Variants in ROR2 observed in about 807,000 individuals in gnomAD.
ROR2 encodes tyrosine-protein kinase transmembrane receptor ROR2.
Under a neutral mutation model 74.9 loss-of-function variants are expected in ROR2, and 33 were observed. The observed-to-expected ratio is 0.44, with a 90% CI of 0.33 to 0.59. ROR2 has a LOEUF of 0.59. ROR2 is among the 20% of genes least tolerant of loss of function. The pLI is 0.02. For missense variants in ROR2, 1,216 were observed against 1,313.8 expected (o/e 0.93, Z 1.15); for synonymous variants, 586 against 558.7 (o/e 1.05, Z -0.69).
intron 1 of ROR2, among the ~76,000 whole-genome samples, chr9:91,877,711 T>C (rs1422739158): frequency 1.3e-5 from 2 of 152,212 alleles, no homozygotes; most frequent in African/African-American, 4.8e-5. Context: ...CAGCTATTCC[T>C]GCTATGCCTA....
At chr9:91,853,106 C>T (rs999983558) in intron 1 of ROR2, among the ~76,000 whole-genome samples, 3 of 152,218 alleles carry the variant, frequency 2.0e-5, no homozygotes, top group Admixed American at 6.5e-5. Flanking sequence ...GGGAGACTGG[C>T]TGGGGACTGG....
chr9:91,931,762 A>G (rs1831555435), intron 1 of ROR2, among the ~76,000 whole-genome samples: 1 of 152,222 alleles, frequency 6.6e-6, no homozygotes, highest in Non-Finnish European at 1.5e-5. Context: ...ATGACAAGCT[A>G]TTTGGAAAAG....
At chr9:91,739,515 A>T (rs1006226626) in intron 4 of ROR2, among the ~76,000 whole-genome samples, 33 of 5,088 alleles carry the variant, frequency 6.5e-3, no homozygotes, top group Admixed American at 0.015. Context: ...TTTAAATTTA[A>T]AAAAAAAAAA....
chr9:91,911,248 T>G (rs1216323667), intron 1 of ROR2, among the ~76,000 whole-genome samples: 3 of 152,232 alleles, frequency 2.0e-5, no homozygotes, highest in Admixed American at 1.3e-4. Context: ...CAGGGATACA[T>G]TCTGAGAAAT....
chr9:91,766,090 T>G (rs993429941), intron 2 of ROR2, among the ~76,000 whole-genome samples: 1 of 152,202 alleles, frequency 6.6e-6, no homozygotes, highest in Admixed American at 6.5e-5. Flanking sequence ...ATTCTGACAT[T>G]AAAGCCCTGC....
chr9:91,835,047 T>A (rs1452428976), intron 1 of ROR2, among the ~76,000 whole-genome samples: 1 of 152,162 alleles, frequency 6.6e-6, no homozygotes, highest in Non-Finnish European at 1.5e-5. Context: ...GCCAGGCATG[T>A]CTTACAACAC....
At chr9:91,939,731 A>G (rs1831798632) in intron 1 of ROR2, among the ~76,000 whole-genome samples, 1 of 152,134 alleles carries the variant, frequency 6.6e-6, no homozygotes, top group African/African-American at 2.4e-5. Flanking sequence ...CAGTAAACAC[A>G]CGGAAGTGAA....
intron 2 of ROR2, among the ~76,000 whole-genome samples, chr9:91,767,271 C>T (rs1003541521): frequency 6.6e-6 from 1 of 152,074 alleles, no homozygotes; most frequent in Non-Finnish European, 1.5e-5. Context: ...GACGGGGTTT[C>T]ACTATGTTGG....
intron 1 of ROR2, among the ~76,000 whole-genome samples, chr9:91,925,462 C>CTGTGTGTGTGTGTGTG (rs1224637296): frequency 7.9e-6 from 1 of 126,086 alleles, no homozygotes; most frequent in Admixed American, 9.5e-5. Flanking sequence ...TGTCAGCTGC[C>CTGTGTGTGTGTGTGTG]TGTATGTGTG....
At chr9:91,840,840 C>T (rs1828760754) in intron 1 of ROR2, among the ~76,000 whole-genome samples, 1 of 152,240 alleles carries the variant, frequency 6.6e-6, no homozygotes, top group African/African-American at 2.4e-5. Flanking sequence ...GACCTGAGAT[C>T]CACACCCCAT....
intron 5 of ROR2, among the ~76,000 whole-genome samples, chr9:91,736,125 T>C: frequency 6.6e-6 from 1 of 152,276 alleles, no homozygotes; most frequent in South Asian, 2.1e-4. Flanking sequence ...AAAGAAAGCT[T>C]TTGCAGTGAG....
chr9:91,752,565 G>A (rs1825625364), intron 4 of ROR2, among the ~76,000 whole-genome samples: 1 of 152,220 alleles, frequency 6.6e-6, no homozygotes, highest in African/African-American at 2.4e-5. Context: ...AATAGTGGGT[G>A]CCTGGGGTAG....
chr9:91,725,599 C>T (rs1837000264), intron 8 of ROR2, among the ~76,000 whole-genome samples: 1 of 152,202 alleles, frequency 6.6e-6, no homozygotes, highest in African/African-American at 2.4e-5. Context: ...AATTTTGTCA[C>T]TTATAAGAGT....
chr9:91,930,912 T>A (rs534223552), intron 1 of ROR2, among the ~76,000 whole-genome samples: 65 of 152,310 alleles, frequency 4.3e-4, no homozygotes, highest in African/African-American at 1.5e-3. Context: ...CATGAACTGG[T>A]GAAGTTGCTG....
chr9:91,864,106 T>C (rs572587719), intron 1 of ROR2, among the ~76,000 whole-genome samples: 1 of 152,304 alleles, frequency 6.6e-6, no homozygotes, highest in South Asian at 2.1e-4. Context: ...CCCCCTTAAA[T>C]ATGCAAGGGT....
chr9:91,737,957 G>C (rs929222756), intron 4 of ROR2, among the ~76,000 whole-genome samples: 1 of 152,142 alleles, frequency 6.6e-6, no homozygotes, highest in African/African-American at 2.4e-5. Context: ...AAACTATAGA[G>C]ACTGGTTATA....
intron 1 of ROR2, among the ~76,000 whole-genome samples, chr9:91,881,034 G>C (rs1476384503): frequency 2.6e-5 from 4 of 152,156 alleles, no homozygotes; most frequent in Non-Finnish European, 2.9e-5. Context: ...AAGCATTTTG[G>C]GGGTAATGGG....
chr9:91,783,035 G>C (rs111229276), intron 1 of ROR2, among the ~76,000 whole-genome samples: 2 of 152,174 alleles, frequency 1.3e-5, no homozygotes, highest in Non-Finnish European at 2.9e-5. Context: ...TTCCTTCTGC[G>C]GCTGGGAGAG....
chr9:91,936,849 T>G (rs1456498601), intron 1 of ROR2, among the ~76,000 whole-genome samples: 3 of 150,500 alleles, frequency 2.0e-5, no homozygotes, highest in Non-Finnish European at 4.4e-5. Context: ...GCTAAAACGG[T>G]GAAACCCCGT....
Sources: gnomAD v4.1 joint callset for allele counts (sites outside exome capture counted in the v4.1 genomes callset) on GRCh38, gnomAD v4.1.1 for gene constraint, MANE v1.5 for transcripts, NCBI Gene and HGNC (gene_info 2026-07-23, HGNC 2026-07-21) for gene names.